PTPRD: variants seen among roughly 807,000 people sequenced by gnomAD.
PTPRD encodes protein tyrosine phosphatase receptor type D.
PTPRD carries 34 observed loss-of-function variants against 214.5 expected under a neutral mutation model. The ratio of observed to expected loss-of-function variants is 0.16; its 90% CI spans 0.12 to 0.21. The LOEUF (loss-of-function observed/expected upper bound fraction) is 0.21, where lower values mean the gene tolerates loss of function less well. Among genes scored for constraint, PTPRD ranks in the 10% least tolerant of loss-of-function variants. PTPRD has a pLI of 1.00. For synonymous variants in PTPRD, 1,128 were observed against 845.7 expected (o/e 1.33, Z -5.79); for missense variants, 2,545 against 2,398.7 (o/e 1.06, Z -1.27).
At chr9:9,120,163 T>C (rs1056491690) in intron 10 of PTPRD, among the ~76,000 whole-genome samples, 3 of 152,210 alleles carry the variant, frequency 2.0e-5, no homozygotes, top group East Asian at 1.9e-4. Flanking sequence ...ACAGTGCACA[T>C]TGGCATCTTG....
chr9:9,612,211 A>G (rs959949792), intron 7 of PTPRD, among the ~76,000 whole-genome samples: 51 of 152,030 alleles, frequency 3.4e-4, no homozygotes, highest in African/African-American at 1.2e-3. Context: ...ACCTATCTGT[A>G]GGGGGAATAA....
intron 9 of PTPRD, among the ~76,000 whole-genome samples, chr9:9,218,743 C>T (rs118054064): frequency 5.1e-4 from 78 of 152,158 alleles, no homozygotes; most frequent in Middle Eastern, 3.4e-3. Context: ...CAGCATTATT[C>T]TTCTAGTATG....
chr9:8,851,353 T>C (rs1409175767), intron 11 of PTPRD, among the ~76,000 whole-genome samples: 1 of 152,202 alleles, frequency 6.6e-6, no homozygotes, highest in Non-Finnish European at 1.5e-5. Context: ...CTTTGTGCAT[T>C]CTAGGTAAAA....
chr9:9,615,610 T>C (rs962601996), intron 7 of PTPRD, among the ~76,000 whole-genome samples: 18 of 152,214 alleles, frequency 1.2e-4, no homozygotes, highest in African/African-American at 1.7e-4. Flanking sequence ...CTGTATGGTT[T>C]CTATCTCCTA....
At chr9:9,839,713 G>T (rs201303102) in intron 5 of PTPRD, among the ~76,000 whole-genome samples, 1 of 151,984 alleles carries the variant, frequency 6.6e-6, no homozygotes, top group African/African-American at 2.4e-5. Context: ...TTTAAAGTTC[G>T]TATGGAACCA....
chr9:9,620,330 A>C (rs1564105630), intron 7 of PTPRD, among the ~76,000 whole-genome samples: 1 of 151,790 alleles, frequency 6.6e-6, no homozygotes, highest in African/African-American at 2.4e-5. Context: ...ATTGTTCTTT[A>C]ATCTATTAAT....
chr9:9,027,133 C>A (rs2099590046), intron 10 of PTPRD, among the ~76,000 whole-genome samples: 1 of 151,796 alleles, frequency 6.6e-6, no homozygotes, highest in Admixed American at 6.6e-5. Flanking sequence ...TGACATCTGG[C>A]ATACATTCTG....
At chr9:9,814,795 C>CTTT (rs34270280) in intron 5 of PTPRD, among the ~76,000 whole-genome samples, 4 of 106,376 alleles carry the variant, frequency 3.8e-5, no homozygotes, top group Non-Finnish European at 7.3e-5. Flanking sequence ...ACCAAAGTGA[C>CTTT]TTTTTTTTTT....
At chr9:9,177,361 G>C (rs1005802893) in intron 10 of PTPRD, among the ~76,000 whole-genome samples, 1 of 152,084 alleles carries the variant, frequency 6.6e-6, no homozygotes, top group Non-Finnish European at 1.5e-5. Context: ...AATTCCAGAT[G>C]AGATTTGGGT....
rs1016504609 is a variant in PTPRD at position 10,514,759 on chromosome 9, T to C, written c.-600+97639A>G. 2.0e-5 allele frequency among the ~76,000 whole-genome samples: 3 copies of C among 152,146 alleles called. No individual in the cohort carries two copies. In the South Asian group the frequency reaches 6.2e-4, roughly 32 times the overall value. On this transcript the variant is annotated intron_variant, in intron 2 of 45. Transcript: ENST00000381196. ...ACGTATAAGCAAGATAGTTTGTTGT[T>C]GATGTATCCAGATTTAATAGGCATC...
intron 3 of PTPRD, among the ~76,000 whole-genome samples, chr9:10,049,176 C>A (rs540081937): frequency 6.6e-6 from 1 of 152,018 alleles, no homozygotes; most frequent in Non-Finnish European, 1.5e-5. Context: ...GTGGCGTTTG[C>A]GGAAAAAGGA....
intron 10 of PTPRD, among the ~76,000 whole-genome samples, chr9:9,163,971 T>C (rs901860531): frequency 9.9e-5 from 15 of 152,184 alleles, no homozygotes; most frequent in Admixed American, 8.5e-4. Flanking sequence ...CCTCCTGAAA[T>C]TTTTGGATTA....
chr9:8,476,534 A>G (rs1457662124), intron 30 of PTPRD, among the ~76,000 whole-genome samples: 2 of 152,060 alleles, frequency 1.3e-5, no homozygotes, highest in South Asian at 4.1e-4. Context: ...CTAGTTAACT[A>G]TTCTCTCTCC....
chr9:8,811,344 C>T (rs1004739768), intron 11 of PTPRD, among the ~76,000 whole-genome samples: 1 of 152,004 alleles, frequency 6.6e-6, no homozygotes, highest in Non-Finnish European at 1.5e-5. Context: ...AGTCCATTGA[C>T]CCCCCTAGGC....
At chr9:8,417,014 T>C (rs2093986498) in intron 35 of PTPRD, among the ~76,000 whole-genome samples, 6 of 152,124 alleles carry the variant, frequency 3.9e-5, no homozygotes, top group Admixed American at 3.9e-4. Context: ...ATTATAAATT[T>C]ATTATCATGG....
chr9:9,620,218 A>T (rs2095161390), intron 7 of PTPRD, among the ~76,000 whole-genome samples: 1 of 152,110 alleles, frequency 6.6e-6, no homozygotes, highest in South Asian at 2.1e-4. Flanking sequence ...CTAATGTTGA[A>T]ATTGCAGAGA....
At chr9:8,320,913 A>C (rs138715021) in intron 44 of PTPRD, among the ~76,000 whole-genome samples, 1,913 of 152,248 alleles carry the variant, frequency 0.013, 28 homozygotes, top group African/African-American at 0.044. Flanking sequence ...TTGGATCCTA[A>C]TTAAACAGCA....
At chr9:10,537,877 G>C (rs1036851982) in intron 2 of PTPRD, among the ~76,000 whole-genome samples, 17 of 152,046 alleles carry the variant, frequency 1.1e-4, no homozygotes, top group Admixed American at 3.3e-4. Context: ...CCCTTATAGT[G>C]TAACCAGGAA....
At chr9:9,794,519 TAG>T (rs1390238173) in intron 5 of PTPRD, among the ~76,000 whole-genome samples, 1 of 151,710 alleles carries the variant, frequency 6.6e-6, no homozygotes, top group Non-Finnish European at 1.5e-5. Context: ...ATGACAAAAA[TAG>T]AGAGGTAAGT....
Sources: allele counts gnomAD v4.1 joint callset (sites outside exome capture counted in the v4.1 genomes callset), GRCh38; gene constraint gnomAD v4.1.1; transcripts MANE v1.5; gene names NCBI Gene and HGNC (gene_info 2026-07-23, HGNC 2026-07-21).